The following CCDC146 variants were observed in gnomAD, a reference collection of about 807,000 sequenced individuals.
CCDC146 encodes the protein coiled-coil domain containing 146.
A neutral mutation model predicts 119.3 loss-of-function variants in CCDC146; 92 were observed. The observed-to-expected ratio is 0.77, with a 90% CI of 0.65 to 0.92. The LOEUF (loss-of-function observed/expected upper bound fraction) is 0.92. Ranked by LOEUF, CCDC146 falls within the 40% of genes least tolerant of loss-of-function variation. The pLI is 0.00. For missense variants in CCDC146, 1,000 were observed against 1,103.0 expected, an observed-to-expected ratio of 0.91 and a Z score of 1.32; for synonymous variants, 372 against 371.8, an observed-to-expected ratio of 1.00 and a Z score of -0.01.
intron 11 of CCDC146, among the ~76,000 whole-genome samples, chr7:77,278,288 C>T (rs1358658174): frequency 6.6e-6 from 1 of 152,120 alleles, no homozygotes; most frequent in Non-Finnish European, 1.5e-5. Context: ...AGGCTCTTTG[C>T]GTTTTCTCTT....
intron 2 of CCDC146, among the ~76,000 whole-genome samples, chr7:77,222,996 G>A (rs1207434940): frequency 6.6e-6 from 1 of 152,198 alleles, no homozygotes; most frequent in African/African-American, 2.4e-5. Flanking sequence ...TGATCCTTAT[G>A]TGAATACGCT....
At chr7:77,249,142 C>T (rs907681394) in intron 4 of CCDC146, among the ~76,000 whole-genome samples, 5 of 152,162 alleles carry the variant, frequency 3.3e-5, no homozygotes, top group Non-Finnish European at 7.3e-5. Flanking sequence ...TCTCCTTGCA[C>T]TTCTATCAGT....
chr7:77,147,864 C>T (rs1049408540), intron 1 of CCDC146, among the ~76,000 whole-genome samples: 1 of 152,234 alleles, frequency 6.6e-6, no homozygotes, highest in African/African-American at 2.4e-5. Context: ...GTCAGGGACC[C>T]ACTTGACGAG....
intron 9 of CCDC146, among the ~76,000 whole-genome samples, chr7:77,271,674 C>T (rs1793526004): frequency 6.6e-6 from 1 of 150,822 alleles, no homozygotes; most frequent in Non-Finnish European, 1.5e-5. Flanking sequence ...TATCATGTCA[C>T]CTCTTCCACA....
intron 2 of CCDC146, among the ~76,000 whole-genome samples, chr7:77,217,910 C>G (rs1166670686): frequency 6.6e-6 from 1 of 152,092 alleles, no homozygotes; most frequent in Non-Finnish European, 1.5e-5. Context: ...ATATAGGGCA[C>G]TTACTGTGAA....
intron 2 of CCDC146, chr7:77,199,625 A>G (rs1280710916): frequency 1.9e-6 from 3 of 1,613,992 alleles, no homozygotes; most frequent in Non-Finnish European, 1.7e-6. Flanking sequence ...CTTACCTGGT[A>G]GGGGCACTCC....
intron 15 of CCDC146, among the ~76,000 whole-genome samples, chr7:77,285,390 T>A (rs1002402879): frequency 6.6e-6 from 1 of 152,234 alleles, no homozygotes; most frequent in African/African-American, 2.4e-5. Flanking sequence ...TAAGGACATT[T>A]AAGGGATGTA....
chr7:77,199,016 A>G (rs1791927899), intron 2 of CCDC146: 9 of 632,296 alleles, frequency 1.4e-5, no homozygotes, highest in Admixed American at 3.1e-5. Flanking sequence ...GGTCATATTT[A>G]TGTGGTCATA....
chr7:77,236,430 T>C (rs1006799016), intron 2 of CCDC146, among the ~76,000 whole-genome samples: 6 of 152,214 alleles, frequency 3.9e-5, no homozygotes, highest in Non-Finnish European at 7.3e-5. Context: ...CACTTGGGTT[T>C]AAATTCTCAC....
At position 77,260,172 on chromosome 7, in the gene CCDC146, C is replaced by T; in HGVS notation, c.922C>T (p.His308Tyr). ...RALLEIKEREHNQLVKLLELA... is the reference protein window; with the variant it reads ...RALLEIKEREYNQLVKLLELA... The stretch of plus-strand genomic sequence containing the variant: ...CTTACTTGAAATCAAAGAACGAGAA[C>T]ATAACCAATTGGTCAAGCTATTGGA... Residue 308 changes from histidine (H) to tyrosine (Y), a missense_variant, in exon 8 of 19, where the codon CAT becomes TAT. His to Tyr is a moderately conservative substitution (Grantham distance 83). This residue lies in a region of CCDC146 where 985 missense variants were observed against 1,045.3 expected (regional missense o/e 0.94). Transcript: ENST00000285871. 6.2e-7 allele frequency: 1 copy of T among 1,614,018 alleles called. No homozygotes were observed. The highest frequency in any genetic ancestry group is 8.5e-7 in the Non-Finnish European group (1 of 1,180,008).
intron 1 of CCDC146, among the ~76,000 whole-genome samples, chr7:77,129,630 C>G (rs1790753887): frequency 6.6e-6 from 1 of 151,992 alleles, no homozygotes; most frequent in African/African-American, 2.4e-5. Flanking sequence ...TAAGGAGATA[C>G]TACTGTAATC....
intron 1 of CCDC146, among the ~76,000 whole-genome samples, chr7:77,131,293 G>A (rs1790782500): frequency 6.6e-6 from 1 of 151,928 alleles, no homozygotes; most frequent in Non-Finnish European, 1.5e-5. Context: ...ATTTACAATC[G>A]CCAAAAACCT....
Position 77,133,853 on chromosome 7 carries a change from ACT to A in CCDC146, c.-12+11123_-12+11124del, listed in dbSNP as rs1491060042. On this transcript the variant is annotated intron_variant, in intron 1 of 18. Coordinates refer to ENST00000285871, the MANE Select transcript of CCDC146 (RefSeq NM_020879.3). ...TACACACACACACACACACACACAC[ACT>A]CACACACACATATATGCTTCTATAT... Among the ~76,000 whole-genome samples the A allele has an allele frequency of 6.6e-5, 10 of 151,052 alleles. No homozygotes were observed. The East Asian group carries it at 1.7e-3, about 26-fold the overall frequency.
At chr7:77,264,840 T>C (rs529593147) in intron 9 of CCDC146, among the ~76,000 whole-genome samples, 6 of 152,370 alleles carry the variant, frequency 3.9e-5, no homozygotes, top group Middle Eastern at 3.4e-3. Context: ...GTTTTAGATA[T>C]GCATCAGTTA....
chr7:77,191,497 A>T (rs1763661307), intron 2 of CCDC146, among the ~76,000 whole-genome samples: 1 of 152,226 alleles, frequency 6.6e-6, no homozygotes, highest in Non-Finnish European at 1.5e-5. Context: ...GATTGATTTC[A>T]GGATAGAACT....
At chr7:77,255,128 C>T (rs1156350322) in intron 5 of CCDC146, among the ~76,000 whole-genome samples, 2 of 152,156 alleles carry the variant, frequency 1.3e-5, no homozygotes, top group Non-Finnish European at 2.9e-5. Context: ...TAGTTGGTCA[C>T]ATGATGGTGG....
chr7:77,291,706 T>C (rs1562864752), intron 17 of CCDC146, among the ~76,000 whole-genome samples: 1 of 152,134 alleles, frequency 6.6e-6, no homozygotes, highest in African/African-American at 2.4e-5. Context: ...AGACCCTGTC[T>C]CAAAACAAAC....
At chr7:77,171,204 A>G (rs1791415588) in intron 2 of CCDC146, among the ~76,000 whole-genome samples, 1 of 152,204 alleles carries the variant, frequency 6.6e-6, no homozygotes, top group Non-Finnish European at 1.5e-5. Flanking sequence ...TAGGTCTGAC[A>G]TAAGTTGTTT....
intron 17 of CCDC146, among the ~76,000 whole-genome samples, chr7:77,287,884 T>C (rs1436192245): frequency 1.3e-5 from 2 of 152,254 alleles, no homozygotes; most frequent in Admixed American, 1.3e-4. Context: ...AGTTAAATCC[T>C]TTTTAGTTCC....
Sources: gnomAD v4.1 joint callset for allele counts (sites outside exome capture counted in the v4.1 genomes callset) on GRCh38, gnomAD v4.1.1 for gene constraint, gnomAD v4.1.1 regional missense constraint, MANE v1.5 for transcripts, NCBI Gene and HGNC (gene_info 2026-07-23, HGNC 2026-07-21) for gene names.